The following CLEC2D variants were observed in gnomAD, a reference collection of about 807,000 sequenced individuals.
CLEC2D encodes C-type lectin domain family 2 member D, also known as C-type lectin related f.
Under a neutral mutation model 20.0 loss-of-function variants are expected in CLEC2D, and 16 were observed. That is an observed-to-expected ratio of 0.80 (90% CI 0.54 to 1.22). CLEC2D has a LOEUF of 1.22. Ranked by LOEUF, CLEC2D falls within the 50% of genes most tolerant of loss-of-function variation. The pLI, the probability that CLEC2D is intolerant of heterozygous loss-of-function variation, is 0.00. For synonymous variants in CLEC2D, 77 were observed against 71.1 expected, an observed-to-expected ratio of 1.08 and a Z score of -0.42; for missense variants, 207 against 221.5, an observed-to-expected ratio of 0.93 and a Z score of 0.42.
chr12:9,676,910 C>A (rs1400165897), intron 1 of CLEC2D, among the ~76,000 whole-genome samples: 1 of 152,058 alleles, frequency 6.6e-6, no homozygotes, highest in Non-Finnish European at 1.5e-5. Flanking sequence ...AGTGATTGAT[C>A]CTCTGTGTGG....
chr12:9,685,420 C>G lies in CLEC2D; in HGVS notation c.173-2482C>G, dbSNP rs769439781. 7.9e-5 allele frequency among the ~76,000 whole-genome samples: 12 copies of G among 152,336 alleles called. No homozygotes were observed. In the East Asian group the frequency reaches 2.3e-3, roughly 29 times the overall value. ...AGCTGGCTGGCAGGAATGTTTAAGT[C>G]TCCTGAAGCCGTGACCACAGCCACC... On this transcript the variant is annotated intron_variant, in intron 2 of 4. Transcript: ENST00000290855.
intron 1 of CLEC2D, among the ~76,000 whole-genome samples, chr12:9,680,516 C>T (rs1456006127): frequency 6.6e-6 from 1 of 152,092 alleles, no homozygotes; most frequent in Non-Finnish European, 1.5e-5. Context: ...GCCTTTTTTC[C>T]TCCAAAACAA....
At chr12:9,692,431 T>C (rs1490140014) in intron 3 of CLEC2D, among the ~76,000 whole-genome samples, 2 of 152,054 alleles carry the variant, frequency 1.3e-5, no homozygotes, top group Admixed American at 1.3e-4. Context: ...CTTGGCCTGG[T>C]GGTGTCATTT....
chr12:9,675,216 C>T (rs1483061489), intron 1 of CLEC2D, among the ~76,000 whole-genome samples: 1 of 135,800 alleles, frequency 7.4e-6, no homozygotes, highest in Non-Finnish European at 1.6e-5. Context: ...TTTTAAGAGA[C>T]GGAGTCTCAC....
intron 3 of CLEC2D, among the ~76,000 whole-genome samples, chr12:9,690,101 AAGC>A (rs1865833013): frequency 6.6e-6 from 1 of 152,124 alleles, no homozygotes; most frequent in African/African-American, 2.4e-5. Flanking sequence ...AGAATTTTGA[AAGC>A]AGCCAGAATG....
At chr12:9,678,169 G>A (rs1221437237) in intron 1 of CLEC2D, among the ~76,000 whole-genome samples, 7 of 152,020 alleles carry the variant, frequency 4.6e-5, no homozygotes, top group African/African-American at 9.7e-5. Context: ...TTTGTTATGC[G>A]GAAACATAAC....
intron 3 of CLEC2D, among the ~76,000 whole-genome samples, chr12:9,692,573 T>G (rs1490868592): frequency 6.6e-6 from 1 of 152,168 alleles, no homozygotes; most frequent in Admixed American, 6.5e-5. Flanking sequence ...ATAGATAAAT[T>G]GGAGAAGAGT....
At chr12:9,692,553 C>T (rs1205174436) in intron 3 of CLEC2D, among the ~76,000 whole-genome samples, 1 of 151,794 alleles carries the variant, frequency 6.6e-6, no homozygotes, top group Middle Eastern at 3.2e-3. Context: ...TGGTGTCAAC[C>T]GATAGTATAA....
rs1265491040 is a variant in CLEC2D at position 9,696,076 on chromosome 12, G to A, written c.*1202G>A. The A allele has an allele frequency of 2.4e-5, 29 of 1,207,902 alleles. No homozygotes were observed. Among genetic ancestry groups the A allele is most frequent in the Non-Finnish European group, 3.3e-5 (27 of 824,758 alleles). 74.8% of individuals were successfully genotyped at this position (1,207,902 alleles called of 1,614,324 possible). A position where few individuals can be genotyped will look rare whatever the true frequency, so the allele number is the denominator to read the frequency against. ...TAAAACACCAAAAGGATCTAGTTCT[G>A]TAGAAGACATTAAAGCAAAAATGCA... On this transcript the variant is annotated 3_prime_UTR_variant, in exon 5 of 5. Coordinates refer to ENST00000290855, the MANE Select transcript of CLEC2D (RefSeq NM_013269.6).
At chr12:9,680,800 TC>T in intron 1 of CLEC2D, 122 bp from the exon 2 acceptor site, 1 of 568,402 alleles carries the variant, frequency 1.8e-6, no homozygotes, top group Non-Finnish European at 3.1e-6. Context: ...AGATGACAGG[TC>T]ATTTGCATCC....
chr12:9,698,073 A>G lies in CLEC2D; in HGVS notation c.*3199A>G, dbSNP rs1866040901. The G allele has an allele frequency of 1.3e-5, 2 of 152,150 alleles. No homozygotes were observed. The highest frequency in any genetic ancestry group is 2.4e-5 in the African/African-American group (1 of 41,418). The allele number at this position is 152,150 out of a possible 1,614,324, so 9.4% of individuals were successfully genotyped here. A position where few individuals can be genotyped will look rare whatever the true frequency, so the allele number is the denominator to read the frequency against. ...TGATAAATTTCTATCTGCAGTTGCT[A>G]TTTGCATTTTTAAAGGATATTTTTA... On this transcript the variant is annotated 3_prime_UTR_variant, in exon 5 of 5. Coordinates refer to ENST00000290855, the MANE Select transcript of CLEC2D (RefSeq NM_013269.6).
At chr12:9,677,123 C>T (rs1865533764) in intron 1 of CLEC2D, among the ~76,000 whole-genome samples, 3 of 151,260 alleles carry the variant, frequency 2.0e-5, no homozygotes, top group Admixed American at 6.6e-5. Flanking sequence ...TTTATTTCTG[C>T]TCTAATTATT....
chr12:9,675,781 C>A (rs758137858), intron 1 of CLEC2D, among the ~76,000 whole-genome samples: 1 of 152,244 alleles, frequency 6.6e-6, no homozygotes, highest in African/African-American at 2.4e-5. Flanking sequence ...ACATAAAATA[C>A]TTCTCCATTT....
At chr12:9,680,183 T>G (rs1252165075) in intron 1 of CLEC2D, 2 of 284,804 alleles carry the variant, frequency 7.0e-6, no homozygotes, top group Admixed American at 6.4e-5. Flanking sequence ...TTTTACCCCT[T>G]TGTTAGGCAC....
Position 9,697,812 on chromosome 12 carries a change from G to C in CLEC2D, c.*2938G>C, listed in dbSNP as rs2121003370. On this transcript the variant is annotated 3_prime_UTR_variant, in exon 5 of 5. Transcript: ENST00000290855. ...GACACAGGTCAAAAGATACAGAGTT[G>C]CAGTTACAAAGGGTGAGTATGTCTA... 1 of 152,270 alleles carries C rather than the reference G, an allele frequency of 6.6e-6. No individual in the cohort carries two copies. The highest frequency in any genetic ancestry group is 1.9e-4 in the East Asian group (1 of 5,190). The allele number at this position is 152,270 out of a possible 1,614,324, so 9.4% of individuals were successfully genotyped here.
Position 9,687,867 on chromosome 12 carries a change from AATTTTTATTTTATTT to A in CLEC2D, c.173-19_173-5del, listed in dbSNP as rs749706474. 7.5e-6 allele frequency: 10 copies of A among 1,335,518 alleles called. No individual in the cohort carries two copies. The African/African-American group carries it at 1.1e-4, about 14-fold the overall frequency. The allele number at this position is 1,335,518 out of a possible 1,614,324, so 82.7% of individuals were successfully genotyped here. A position where few individuals can be genotyped will look rare whatever the true frequency, so the allele number is the denominator to read the frequency against. ...TATACAATACAATATAAAAGTAAGA[AATTTTTATTTTATTT>A]ATTTTTATTTTATTTTCAGCAATAA... On this transcript the variant is annotated intron_variant, in intron 2 of 4. Transcript: ENST00000290855.
At position 9,695,873 on chromosome 12, in the gene CLEC2D, AAGATGAT is replaced by A; in HGVS notation, c.*1000_*1006del. On this transcript the variant is annotated 3_prime_UTR_variant, in exon 5 of 5. Coordinates refer to ENST00000290855, the MANE Select transcript of CLEC2D (RefSeq NM_013269.6). ...GCTGCTGCTGATGATGATGATGATG[AAGATGAT>A]GATGATGATGATGACGAGGAAGCTG... The A allele has an allele frequency of 1.9e-6, 2 of 1,079,318 alleles. No homozygotes were observed. Among genetic ancestry groups the A allele is most frequent in the African/African-American group, 3.1e-5 (2 of 64,494 alleles). The allele number at this position is 1,079,318 out of a possible 1,614,324, so 66.9% of individuals were successfully genotyped here.
rs141448151 is a variant in CLEC2D, at chr12:9,677,669, T to C, written c.62-3254T>C. 1.8e-4 allele frequency among the ~76,000 whole-genome samples: 28 copies of C among 151,424 alleles called. No individual in the cohort carries two copies. In the South Asian group the frequency reaches 2.5e-3, roughly 14 times the overall value. The stretch of plus-strand genomic sequence containing the variant: ...GTTGCTGAGTTCACCTAAGTTCTAC[T>C]GATTTTCTGCCTGCTGGATCTGGGC... On this transcript the variant is annotated intron_variant, in intron 1 of 4. Coordinates refer to ENST00000290855, the MANE Select transcript of CLEC2D (RefSeq NM_013269.6).
chr12:9,681,132 A>C, intron 2 of CLEC2D, 99 bp downstream of exon 2: 1 of 682,240 alleles, frequency 1.5e-6, no homozygotes, highest in South Asian at 2.1e-5. Context: ...AGCTTTTAAT[A>C]TATTGTCTCA....
Sources: allele counts gnomAD v4.1 joint callset (sites outside exome capture counted in the v4.1 genomes callset), GRCh38; gene constraint gnomAD v4.1.1; transcripts MANE v1.5; gene names NCBI Gene and HGNC (gene_info 2026-07-23, HGNC 2026-07-21).